The following PHACTR4 variants were observed in gnomAD, a reference collection of about 807,000 sequenced individuals.
PHACTR4 encodes phosphatase and actin regulator 4.
A neutral mutation model predicts 72.7 loss-of-function variants in PHACTR4; 51 were observed. The ratio of observed to expected loss-of-function variants is 0.70; its 90% confidence interval spans 0.56 to 0.89. PHACTR4 has a LOEUF of 0.89. PHACTR4 is among the 40% of genes least tolerant of loss of function. The pLI, the probability that PHACTR4 is intolerant of heterozygous loss-of-function variation, is 0.00. For synonymous variants in PHACTR4, 255 were observed against 302.5 expected, an observed-to-expected ratio of 0.84 and a Z score of 1.63; for missense variants, 731 against 861.8, an observed-to-expected ratio of 0.85 and a Z score of 1.90.
At chr1:28,441,521 A>T (rs758528835) in intron 2 of PHACTR4, among the ~76,000 whole-genome samples, 3 of 152,264 alleles carry the variant, frequency 2.0e-5, no homozygotes, top group Non-Finnish European at 4.4e-5. Flanking sequence ...TGTTATAACC[A>T]TATCCAACCA....
At chr1:28,413,949 C>T (rs1654937951) in intron 2 of PHACTR4, among the ~76,000 whole-genome samples, 1 of 152,136 alleles carries the variant, frequency 6.6e-6, no homozygotes, top group Non-Finnish European at 1.5e-5. Flanking sequence ...ACAGTCTTCC[C>T]ACTGTGTTTG....
chr1:28,447,044 T>C (rs1283175687), intron 2 of PHACTR4, among the ~76,000 whole-genome samples: 1 of 149,810 alleles, frequency 6.7e-6, no homozygotes, highest in Non-Finnish European at 1.5e-5. Context: ...AGAGTCTCAC[T>C]TTGTTGCCCA....
chr1:28,404,677 A>G (rs1654197893), intron 1 of PHACTR4, among the ~76,000 whole-genome samples: 1 of 152,196 alleles, frequency 6.6e-6, no homozygotes, highest in African/African-American at 2.4e-5. Flanking sequence ...TTACTCTTCC[A>G]AATCGGCTAC....
rs541552090 is a variant in PHACTR4, at chr1:28,472,203, G to A, written c.824-1351G>A. ...ACTCCAGCCTGGGCGACAAGACTCC[G>A]TCTCAAAAAAAAAAAAAAATTAGAG... On this transcript the variant is annotated intron_variant, in intron 6 of 13. Transcript: ENST00000373839. 9.9e-4 allele frequency among the ~76,000 whole-genome samples: 139 copies of A among 140,918 alleles called. 2 individuals are homozygous for A. The highest frequency in any genetic ancestry group is 1.8e-3 in the Non-Finnish European group (118 of 67,014). 92.4% of individuals were successfully genotyped at this position (140,918 alleles called of 152,430 possible).
At chr1:28,484,216 G>A (rs2124533689) in intron 9 of PHACTR4, among the ~76,000 whole-genome samples, 1 of 152,178 alleles carries the variant, frequency 6.6e-6, no homozygotes, top group Admixed American at 6.6e-5. Flanking sequence ...AGCTACTCAG[G>A]ACACTGAGGC....
At chr1:28,378,155 C>T (rs1651838519) in intron 1 of PHACTR4, among the ~76,000 whole-genome samples, 1 of 147,584 alleles carries the variant, frequency 6.8e-6, no homozygotes, top group African/African-American at 2.6e-5. Context: ...CAAGATTGTG[C>T]CACTGCGCTC....
chr1:28,492,910 G>C, intron 12 of PHACTR4, 105 bp from the exon 13 acceptor site: 1 of 938,388 alleles, frequency 1.1e-6, no homozygotes, highest in Non-Finnish European at 1.7e-6. Flanking sequence ...CCTGTGAGGG[G>C]TTGCAGTGAC....
At chr1:28,372,457 C>T (rs1243679724) in intron 1 of PHACTR4, among the ~76,000 whole-genome samples, 1 of 152,076 alleles carries the variant, frequency 6.6e-6, no homozygotes, top group Non-Finnish European at 1.5e-5. Flanking sequence ...GATGGTAGAT[C>T]CTTAATGCAG....
chr1:28,489,109 T>G (rs1002514073), intron 9 of PHACTR4, 61 bp from the exon 10 acceptor site: 14 of 1,448,252 alleles, frequency 9.7e-6, no homozygotes, highest in Admixed American at 1.8e-5. Context: ...ACCAAAAAAA[T>G]CTTTATAAAC....
chr1:28,459,115 G>A lies in PHACTR4; in HGVS notation c.47G>A (p.Gly16Asp), dbSNP rs780974221. Residue 16 changes from glycine to aspartate, a missense_variant, in exon 3 of 14, where the codon GGC (glycine) becomes GAC (aspartate). By Grantham distance (94) the Gly-to-Asp change is moderately conservative. Coordinates refer to ENST00000373839, the MANE Select transcript of PHACTR4 (RefSeq NM_001048183.3). ...GCAGACCAGCCCACTACAGAGCCAGGCATGGTCCTGGACAGTGTGGAAGCA... is the reference window on the plus strand; with the variant it reads ...GCAGACCAGCCCACTACAGAGCCAGACATGGTCCTGGACAGTGTGGAAGCA... ...EEADQPTTEPGMVLDSVEAGD... is the reference protein window; with the variant it reads ...EEADQPTTEPDMVLDSVEAGD... 6.2e-7 allele frequency: 1 copy of A among 1,613,126 alleles called. No homozygotes were observed. The highest frequency in any genetic ancestry group is 1.7e-5 in the Admixed American group (1 of 59,842).
intron 9 of PHACTR4, among the ~76,000 whole-genome samples, chr1:28,483,490 G>A (rs950363617): frequency 1.3e-5 from 2 of 151,378 alleles, no homozygotes; most frequent in African/African-American, 4.9e-5. Context: ...ATGGTAGTTT[G>A]AAAAATTACA....
intron 1 of PHACTR4, among the ~76,000 whole-genome samples, chr1:28,390,471 A>G (rs1652922632): frequency 6.6e-6 from 1 of 152,236 alleles, no homozygotes; most frequent in Non-Finnish European, 1.5e-5. Context: ...GGCTTTTAGT[A>G]TTACAGAATA....
At chr1:28,461,970 C>T (rs986598804) in intron 4 of PHACTR4, among the ~76,000 whole-genome samples, 13 of 150,526 alleles carry the variant, frequency 8.6e-5, no homozygotes, top group South Asian at 8.3e-4. Flanking sequence ...TAGTTACGTA[C>T]TACTTTAATG....
intron 1 of PHACTR4, among the ~76,000 whole-genome samples, chr1:28,387,158 G>A (rs1166000493): frequency 2.0e-5 from 3 of 151,664 alleles, no homozygotes; most frequent in Non-Finnish European, 2.9e-5. Flanking sequence ...CTACTCGGGA[G>A]GCTGAGGTAG....
chr1:28,373,213 C>G (rs954681764), intron 1 of PHACTR4, among the ~76,000 whole-genome samples: 1 of 152,152 alleles, frequency 6.6e-6, no homozygotes, highest in Non-Finnish European at 1.5e-5. Flanking sequence ...CCTACCTTAG[C>G]CTCCGAGAGT....
chr1:28,392,476 C>T (rs1472305640), intron 1 of PHACTR4, among the ~76,000 whole-genome samples: 1 of 151,108 alleles, frequency 6.6e-6, no homozygotes, highest in East Asian at 1.9e-4. Context: ...CATCATTGCT[C>T]ACTGCAACCT....
At chr1:28,414,223 C>T (rs1654957799) in intron 2 of PHACTR4, among the ~76,000 whole-genome samples, 1 of 151,886 alleles carries the variant, frequency 6.6e-6, no homozygotes, top group Non-Finnish European at 1.5e-5. Context: ...ATTACAAGCA[C>T]CCATCACTGC....
In PHACTR4 at chr1:28,409,226, C is replaced by G. The variant is rs1281778782; in HGVS notation, c.16+1763C>G. On this transcript the variant is annotated intron_variant, in intron 2 of 13. Coordinates refer to ENST00000373839, the MANE Select transcript of PHACTR4 (RefSeq NM_001048183.3). ...TCATAGCATGCTACATCCTTGAACT[C>G]CTGGGCTCAAGCAGTCTTCCTGCTT... Among the ~76,000 whole-genome samples the G allele has an allele frequency of 2.6e-5, 4 of 151,350 alleles. No homozygotes were observed. In the East Asian group the frequency reaches 5.8e-4, roughly 22 times the overall value.
chr1:28,487,369 A>AT (rs1660721256), intron 9 of PHACTR4, among the ~76,000 whole-genome samples: 1 of 151,758 alleles, frequency 6.6e-6, no homozygotes, highest in Non-Finnish European at 1.5e-5. Context: ...CTGCCTAAAA[A>AT]AAAATAAAAA....
Sources: gnomAD v4.1 joint callset for allele counts (sites outside exome capture counted in the v4.1 genomes callset) on GRCh38, gnomAD v4.1.1 for gene constraint, MANE v1.5 for transcripts, NCBI Gene and HGNC (gene_info 2026-07-23, HGNC 2026-07-21) for gene names.